The following C1D variants were observed in gnomAD, a reference collection of about 807,000 sequenced individuals.
C1D encodes C1D nuclear receptor corepressor, also known as nuclear nucleic acid-binding protein C1D.
A neutral mutation model predicts 17.5 loss-of-function variants in C1D; 10 were observed. That is an observed-to-expected ratio of 0.57 (90% CI 0.35 to 0.97). C1D has a LOEUF of 0.97. C1D is among the 50% of genes least tolerant of loss of function. The pLI, the probability that C1D is intolerant of heterozygous loss-of-function variation, is 0.01. For missense variants in C1D, 136 were observed against 160.1 expected (o/e 0.85, Z 0.81); for synonymous variants, 49 against 54.0 (o/e 0.91, Z 0.40).
chr2:68,043,418 T>G (rs1671026699), intron 4 of C1D, among the ~76,000 whole-genome samples: 1 of 152,128 alleles, frequency 6.6e-6, no homozygotes, highest in Non-Finnish European at 1.5e-5. Flanking sequence ...GTATCTAAAG[T>G]AAAAAACCGG....
rs772943621 is a variant in C1D, at chr2:68,047,205, T to A, written c.106A>T (p.Met36Leu). The change falls in exon 2 of 5, where the codon ATG (methionine) becomes TTG (leucine). Residue 36 changes from methionine to leucine, a missense_variant. Coordinates refer to ENST00000410067, the MANE Select transcript of C1D (RefSeq NM_173177.3). ...GAVDEMLKTM[M>L]SVSRNELLQK... ...AACAACTCATTTCTAGAAACAGACATCATGGTCTTCAGCATCTCATCCACA... is the reference window on the plus strand; with the variant it reads ...AACAACTCATTTCTAGAAACAGACAACATGGTCTTCAGCATCTCATCCACA... 1 of 1,609,846 alleles carries A rather than the reference T, an allele frequency of 6.2e-7. No homozygotes were observed. Among genetic ancestry groups the A allele is most frequent in the South Asian group, 1.1e-5 (1 of 90,118 alleles).
At chr2:68,059,310 A>G (rs1327202401) in intron 1 of C1D, among the ~76,000 whole-genome samples, 1 of 152,198 alleles carries the variant, frequency 6.6e-6, no homozygotes, top group Non-Finnish European at 1.5e-5. Flanking sequence ...CCTACCTCCA[A>G]CACTGGAAGT....
chr2:68,055,873 A>T lies in C1D; in HGVS notation c.-10+7085T>A, dbSNP rs79159240. On this transcript the variant is annotated intron_variant, in intron 1 of 4. Transcript: ENST00000410067. ...GTGAAATTAGATGGCTAACTCACAA[A>T]CTAGCTTTTAGAATACAACTCCGTT... Among the ~76,000 whole-genome samples the T allele has an allele frequency of 3.4e-3, 515 of 152,338 alleles. 3 individuals are homozygous for T. Among genetic ancestry groups the T allele is most frequent in the African/African-American group, 0.012 (506 of 41,574 alleles).
At chr2:68,043,435 C>G (rs1671027250) in intron 4 of C1D, among the ~76,000 whole-genome samples, 1 of 152,122 alleles carries the variant, frequency 6.6e-6, no homozygotes, top group African/African-American at 2.4e-5. Context: ...CCGGAGCTTT[C>G]ATATACTTGC....
intron 1 of C1D, among the ~76,000 whole-genome samples, chr2:68,048,142 A>G (rs1314908745): frequency 6.6e-6 from 1 of 152,142 alleles, no homozygotes; most frequent in Non-Finnish European, 1.5e-5. Flanking sequence ...AATAAACAAT[A>G]TGGTTTTCAT....
chr2:68,062,494 C>T (rs193140424), intron 1 of C1D, among the ~76,000 whole-genome samples: 22 of 152,296 alleles, frequency 1.4e-4, no homozygotes, highest in African/African-American at 4.6e-4. Flanking sequence ...AATACTGCAG[C>T]AGCAGGCAGT....
At chr2:68,055,336 A>C (rs1671406839) in intron 1 of C1D, among the ~76,000 whole-genome samples, 1 of 152,226 alleles carries the variant, frequency 6.6e-6, no homozygotes, top group South Asian at 2.1e-4. Flanking sequence ...AAGCCTACAG[A>C]GCTAACTTCC....
At chr2:68,061,505 T>A (rs1671627229) in intron 1 of C1D, among the ~76,000 whole-genome samples, 1 of 152,172 alleles carries the variant, frequency 6.6e-6, no homozygotes, top group Non-Finnish European at 1.5e-5. Context: ...TCAAAGCATT[T>A]CCAAAATTAC....
chr2:68,042,678 T>C lies in C1D; in HGVS notation c.*211A>G. ...ATCAAGAGATGGTAAATTATAAATA[T>C]ATAATATATCACAATGTTAAAATCC... On this transcript the variant is annotated 3_prime_UTR_variant, in exon 5 of 5. Transcript: ENST00000410067. 4 of 344,056 alleles carry C rather than the reference T, an allele frequency of 1.2e-5. 1 individual carries two copies. Among genetic ancestry groups the C allele is most frequent in the Non-Finnish European group, 2.2e-5 (4 of 179,378 alleles). 21.3% of individuals were successfully genotyped at this position (344,056 alleles called of 1,614,324 possible). A position where few individuals can be genotyped will look rare whatever the true frequency, so the allele number is the denominator to read the frequency against.
Position 68,042,958 on chromosome 2 carries a change from T to G in C1D, c.357A>C (p.Lys119Asn). ...LDRGAASRFV[K>N]NALWEPKSKN... Reference sequence around the variant, plus strand: ...TCGATTTTGGTTCCCAGAGGGCATTTTTTACAAATCTTGAAGCTGCACCTC... The same window carrying G: ...TCGATTTTGGTTCCCAGAGGGCATTGTTTACAAATCTTGAAGCTGCACCTC... The change falls in exon 5 of 5, where the codon AAA (lysine) becomes AAC (asparagine). Residue 119 changes from lysine (K) to asparagine (N), a missense_variant. By Grantham distance (94) the Lys-to-Asn change is moderately conservative. Coordinates refer to ENST00000410067, the MANE Select transcript of C1D (RefSeq NM_173177.3). 1 of 1,611,454 alleles carries G rather than the reference T, an allele frequency of 6.2e-7. No individual in the cohort carries two copies. Among genetic ancestry groups the G allele is most frequent in the Non-Finnish European group, 8.5e-7 (1 of 1,178,410 alleles).
At chr2:68,051,104 C>T (rs992344187) in intron 1 of C1D, among the ~76,000 whole-genome samples, 5 of 152,228 alleles carry the variant, frequency 3.3e-5, no homozygotes, top group African/African-American at 4.8e-5. Flanking sequence ...AGCCTTCTTG[C>T]TTCTGGCCAA....
intron 1 of C1D, among the ~76,000 whole-genome samples, chr2:68,061,527 A>T (rs1671627415): frequency 6.6e-6 from 1 of 152,260 alleles, no homozygotes; most frequent in East Asian, 1.9e-4. Context: ...GCAATCAAGC[A>T]GCAAAATTAC....
intron 1 of C1D, among the ~76,000 whole-genome samples, chr2:68,058,178 C>T (rs1671493847): frequency 6.6e-6 from 1 of 152,170 alleles, no homozygotes; most frequent in African/African-American, 2.4e-5. Context: ...TTACCACATG[C>T]CAGACACTAA....
chr2:68,054,751 G>A (rs914480809), intron 1 of C1D, among the ~76,000 whole-genome samples: 1 of 151,474 alleles, frequency 6.6e-6, no homozygotes, highest in Non-Finnish European at 1.5e-5. Context: ...CTTGAGCCCA[G>A]GAGTTCAAGA....
At chr2:68,049,643 A>G (rs1671227359) in intron 1 of C1D, among the ~76,000 whole-genome samples, 1 of 152,212 alleles carries the variant, frequency 6.6e-6, no homozygotes, top group African/African-American at 2.4e-5. Flanking sequence ...CCTTCAAGAA[A>G]CAGTTAACTC....
In C1D at chr2:68,060,509, G is replaced by A. The variant is rs13383249; in HGVS notation, c.-10+2449C>T. Among the ~76,000 whole-genome samples, 558 of 152,192 alleles carry A rather than the reference G, an allele frequency of 3.7e-3. 1 individual carries two copies. Among genetic ancestry groups the A allele is most frequent in the African/African-American group, 0.012 (499 of 41,528 alleles). On this transcript the variant is annotated intron_variant, in intron 1 of 4. Coordinates refer to ENST00000410067, the MANE Select transcript of C1D (RefSeq NM_173177.3). ...ACACAAAAAATTAGCTGGGCATGGC[G>A]ACGGGTGCCTGTAATCCCAGCTACT...
rs867976660 is a variant in C1D at position 68,042,848 on chromosome 2, A to G, written c.*41T>C. The G allele has an allele frequency of 2.4e-3, 473 of 194,068 alleles. 1 individual carries two copies. The highest frequency in any genetic ancestry group is 7.3e-3 in the Admixed American group (46 of 6,342). The allele number at this position is 194,068 out of a possible 1,614,324, so 12.0% of individuals were successfully genotyped here. A position where few individuals can be genotyped will look rare whatever the true frequency, so the allele number is the denominator to read the frequency against. ...TTTTGCGGGGGGGGGGGGGGGGGGGAAGATGTACTTTTTGAATATGTGTAC... is the reference window on the plus strand; with the variant it reads ...TTTTGCGGGGGGGGGGGGGGGGGGGGAGATGTACTTTTTGAATATGTGTAC... On this transcript the variant is annotated 3_prime_UTR_variant, in exon 5 of 5. Transcript: ENST00000410067.
chr2:68,052,941 A>G, intron 1 of C1D: 2 of 1,346,148 alleles, frequency 1.5e-6, no homozygotes, highest in Non-Finnish European at 2.0e-6. Flanking sequence ...GCACTACTCT[A>G]AGCATTCCAC....
chr2:68,047,264 T>A lies in C1D; in HGVS notation c.47A>T (p.Glu16Val), dbSNP rs1468639835. ...INEDYPVEIH[E>V]YLSAFENSIG... ...GGAATTCTCAAACGCTGACAAATACTCGTGAATTTCTACTGGATAGTCTTC... is the reference window on the plus strand; with the variant it reads ...GGAATTCTCAAACGCTGACAAATACACGTGAATTTCTACTGGATAGTCTTC... Residue 16 changes from glutamate (E) to valine (V), a missense_variant, in exon 2 of 5, where the codon GAG becomes GTG. Transcript: ENST00000410067. 6.2e-7 allele frequency: 1 copy of A among 1,613,230 alleles called. No homozygotes were observed. The highest frequency in any genetic ancestry group is 1.1e-5 in the South Asian group (1 of 90,950).
Sources: allele counts gnomAD v4.1 joint callset (sites outside exome capture counted in the v4.1 genomes callset), GRCh38; gene constraint gnomAD v4.1.1; transcripts MANE v1.5; gene names NCBI Gene and HGNC (gene_info 2026-07-23, HGNC 2026-07-21).